Variants in ZNF236 observed in about 807,000 individuals in gnomAD.
The protein encoded by ZNF236 is regulated by glucose.
ZNF236 carries 50 observed loss-of-function variants against 191.2 expected under a neutral mutation model. The observed-to-expected ratio is 0.26, with a 90% confidence interval of 0.21 to 0.33. ZNF236 has a LOEUF of 0.33. Ranked by LOEUF, ZNF236 falls within the 10% of genes least tolerant of loss-of-function variation. The pLI, the probability that ZNF236 is intolerant of heterozygous loss-of-function variation, is 1.00. For missense variants in ZNF236, 1,754 were observed against 2,374.5 expected (o/e 0.74, Z 5.43); for synonymous variants, 907 against 928.8 (o/e 0.98, Z 0.43).
Position 76,937,157 on chromosome 18 carries a change from A to G in ZNF236, c.4596A>G (p.Glu1532=), listed in dbSNP as rs1968022199. ...SPQEITLTIS[E]LNTTSGSLPS... is the part of the protein sequence containing the mutation. ...CTACTTACTTTGCCTCTTTTGTAGAACTTAACACTACAAGCGGAAGCCTTC... is the reference window on the plus strand; with the variant it reads ...CTACTTACTTTGCCTCTTTTGTAGAGCTTAACACTACAAGCGGAAGCCTTC... Residue 1532 remains glutamate, a splice_region_variant and synonymous_variant, in exon 26 of 31, where the codon GAA becomes GAG. Coordinates refer to ENST00000320610, the MANE Select transcript of ZNF236 (RefSeq NM_001306089.2). 1 of 1,613,440 alleles carries G rather than the reference A, an allele frequency of 6.2e-7. No homozygotes were observed. Among genetic ancestry groups the G allele is most frequent in the Non-Finnish European group, 8.5e-7 (1 of 1,179,534 alleles).
At chr18:76,895,437 C>G in intron 10 of ZNF236, 152 bp downstream of exon 10, 1 of 1,089,526 alleles carries the variant, frequency 9.2e-7, no homozygotes, top group Non-Finnish European at 1.3e-6. Context: ...GTATCACACA[C>G]AGTACTGCAC....
intron 25 of ZNF236, among the ~76,000 whole-genome samples, chr18:76,932,046 T>C (rs1049730458): frequency 3.3e-5 from 5 of 152,282 alleles, no homozygotes; most frequent in Non-Finnish European, 5.9e-5. Flanking sequence ...AATCTGGGAC[T>C]GTGACTCTGG....
At position 76,972,331 on chromosome 18, in the gene ZNF236, C is replaced by T. The variant is rs893083740; in HGVS notation, c.*3992C>T. On this transcript the variant is annotated 3_prime_UTR_variant, in exon 31 of 31. Coordinates refer to ENST00000320610, the MANE Select transcript of ZNF236 (RefSeq NM_001306089.2). ...AGACATGTTCTTTGTCATGGTGTGG[C>T]TTGCCACAACATGTCCTGTTTGGTG... Among the ~76,000 whole-genome samples the T allele has an allele frequency of 1.3e-5, 2 of 152,212 alleles. No homozygotes were observed. The highest frequency in any genetic ancestry group is 4.8e-5 in the African/African-American group (2 of 41,450).
rs1463252004 is a variant in ZNF236, at chr18:76,971,856, G to A, written c.*3517G>A. On this transcript the variant is annotated 3_prime_UTR_variant, in exon 31 of 31. Transcript: ENST00000320610. ...AAGATATATAGAACTGCTTTCTAGT[G>A]TATATTAAGGCTATCTCATGCCTGC... 1.3e-5 allele frequency among the ~76,000 whole-genome samples: 2 copies of A among 152,196 alleles called. No homozygotes were observed. The highest frequency in any genetic ancestry group is 1.3e-4 in the Admixed American group (2 of 15,286).
chr18:76,907,791 A>G (rs1463173833), intron 13 of ZNF236, among the ~76,000 whole-genome samples: 1 of 150,136 alleles, frequency 6.7e-6, no homozygotes, highest in Non-Finnish European at 1.5e-5. Flanking sequence ...AATGCTGGAT[A>G]CACTTTGTGT....
intron 9 of ZNF236, among the ~76,000 whole-genome samples, chr18:76,882,683 G>A (rs1976932413): frequency 6.6e-6 from 1 of 152,124 alleles, no homozygotes; most frequent in South Asian, 2.1e-4. Context: ...TGAAGTTCTT[G>A]TTTCTCAAAC....
chr18:76,836,035 G>A (rs1036471487), intron 1 of ZNF236, among the ~76,000 whole-genome samples: 4 of 152,016 alleles, frequency 2.6e-5, no homozygotes, highest in Non-Finnish European at 4.4e-5. Flanking sequence ...AGCCTCCCAA[G>A]TAGCTGGGAT....
At chr18:76,928,349 T>C (rs1190208745) in intron 25 of ZNF236, among the ~76,000 whole-genome samples, 1 of 152,236 alleles carries the variant, frequency 6.6e-6, no homozygotes, top group African/African-American at 2.4e-5. Flanking sequence ...TATTTAATTA[T>C]TTCATTCATT....
chr18:76,958,484 C>T (rs1968578919), intron 28 of ZNF236, among the ~76,000 whole-genome samples: 1 of 152,170 alleles, frequency 6.6e-6, no homozygotes, highest in Admixed American at 6.5e-5. Context: ...ACAGTCTGTT[C>T]CCCCGTGGAC....
intron 20 of ZNF236, among the ~76,000 whole-genome samples, chr18:76,920,659 G>A (rs1967508172): frequency 6.6e-6 from 1 of 152,210 alleles, no homozygotes; most frequent in African/African-American, 2.4e-5. Flanking sequence ...GGAAGGCAGG[G>A]CTCTAAGCTT....
At chr18:76,909,424 T>C (rs1422135463) in intron 14 of ZNF236, among the ~76,000 whole-genome samples, 1 of 152,200 alleles carries the variant, frequency 6.6e-6, no homozygotes, top group African/African-American at 2.4e-5. Context: ...TGTACATCTG[T>C]ATGATCTTTA....
Position 76,968,381 on chromosome 18 carries a change from C to G in ZNF236, c.*42C>G. 6.3e-7 allele frequency: 1 copy of G among 1,577,938 alleles called. No homozygotes were observed. The highest frequency in any genetic ancestry group is 8.5e-7 in the Non-Finnish European group (1 of 1,170,390). ...ACCTTTAAGAATGTTTCTGAAGTTACGTTTTGTGAAGAGCAAAGCACTTGG... is the reference window on the plus strand; with the variant it reads ...ACCTTTAAGAATGTTTCTGAAGTTAGGTTTTGTGAAGAGCAAAGCACTTGG... On this transcript the variant is annotated 3_prime_UTR_variant, in exon 31 of 31. Coordinates refer to ENST00000320610, the MANE Select transcript of ZNF236 (RefSeq NM_001306089.2).
At chr18:76,825,489 C>T (rs1599303416) in intron 1 of ZNF236, among the ~76,000 whole-genome samples, 1 of 152,138 alleles carries the variant, frequency 6.6e-6, no homozygotes, top group East Asian at 1.9e-4. Context: ...GTATTACCTT[C>T]ATGTATCACA....
chr18:76,849,793 A>C, intron 2 of ZNF236, 125 bp downstream of exon 2: 2 of 922,784 alleles, frequency 2.2e-6, no homozygotes, highest in Non-Finnish European at 2.9e-6. Flanking sequence ...TATATTCTAC[A>C]AATAAATATT....
rs188894154 is a variant in ZNF236 at position 76,873,031 on chromosome 18, T to A, written c.667+1206T>A. On this transcript the variant is annotated intron_variant, in intron 5 of 30. Transcript: ENST00000320610. ...AAAGTTAATATTTTTAGAGCATCAG[T>A]TTTTATTTATTTTCTAGAGTAAGAG... Among the ~76,000 whole-genome samples, 6 of 152,322 alleles carry A rather than the reference T, an allele frequency of 3.9e-5. No individual in the cohort carries two copies. In the East Asian group the frequency reaches 9.6e-4, roughly 24 times the overall value.
rs1304084851 is a variant in ZNF236 at position 76,969,675 on chromosome 18, A to G, written c.*1336A>G. 3.3e-5 allele frequency: 5 copies of G among 152,322 alleles called. No homozygotes were observed. Among genetic ancestry groups the G allele is most frequent in the African/African-American group, 1.2e-4 (5 of 41,326 alleles). 9.4% of individuals were successfully genotyped at this position (152,322 alleles called of 1,614,324 possible). A position where few individuals can be genotyped will look rare whatever the true frequency, so the allele number is the denominator to read the frequency against. Reference sequence around the variant, plus strand: ...TTTCTCTCGTTGCCTCCTTGGTTTCAGAAGAGAGTAGTTTTATTATAAATA... The same window carrying G: ...TTTCTCTCGTTGCCTCCTTGGTTTCGGAAGAGAGTAGTTTTATTATAAATA... On this transcript the variant is annotated 3_prime_UTR_variant, in exon 31 of 31. Transcript: ENST00000320610.
intron 3 of ZNF236, among the ~76,000 whole-genome samples, chr18:76,861,794 G>A (rs1353811047): frequency 1.3e-5 from 2 of 152,194 alleles, no homozygotes; most frequent in Non-Finnish European, 1.5e-5. Flanking sequence ...GAAGGACTCT[G>A]AAAGGCATCA....
At chr18:76,891,953 CAT>C (rs1036546926) in intron 9 of ZNF236, among the ~76,000 whole-genome samples, 9 of 152,158 alleles carry the variant, frequency 5.9e-5, no homozygotes, top group Admixed American at 1.3e-4. Flanking sequence ...ACTATTTTCA[CAT>C]ATTTATTTTT....
At chr18:76,963,299 G>A (rs1968703974) in intron 30 of ZNF236, among the ~76,000 whole-genome samples, 1 of 151,328 alleles carries the variant, frequency 6.6e-6, no homozygotes, top group Non-Finnish European at 1.5e-5. Flanking sequence ...GCTGGATTTT[G>A]TCTGATGTTT....
Sources: gnomAD v4.1 joint callset for allele counts (sites outside exome capture counted in the v4.1 genomes callset) on GRCh38, gnomAD v4.1.1 for gene constraint, MANE v1.5 for transcripts, NCBI Gene and HGNC (gene_info 2026-07-23, HGNC 2026-07-21) for gene names.